CTNNA2: variants seen among roughly 807,000 people sequenced by gnomAD.
CTNNA2 encodes catenin alpha-2.
In CTNNA2, 42 loss-of-function variants were observed where a neutral mutation model predicts 101.0. That is an observed-to-expected ratio of 0.42 (90% CI 0.32 to 0.54). CTNNA2 has a LOEUF of 0.54. Among genes scored for constraint, CTNNA2 ranks in the 20% least tolerant of loss-of-function variants. The pLI is 0.14. For missense variants in CTNNA2, 871 were observed against 1,223.1 expected (o/e 0.71, Z 4.29); for synonymous variants, 450 against 456.4 (o/e 0.99, Z 0.18).
At chr2:80,122,747 G>A (rs751623739) in intron 7 of CTNNA2, among the ~76,000 whole-genome samples, 1 of 152,122 alleles carries the variant, frequency 6.6e-6, no homozygotes, top group Non-Finnish European at 1.5e-5. Flanking sequence ...AAAAGTGTGT[G>A]TGTGCGCATG....
intron 3 of CTNNA2, among the ~76,000 whole-genome samples, chr2:79,839,190 G>A (rs903481737): frequency 2.2e-4 from 34 of 152,054 alleles, no homozygotes; most frequent in African/African-American, 7.7e-4. Context: ...TTTTAGCAAG[G>A]TATAAAATTA....
In CTNNA2 at chr2:80,354,106, ACTT is replaced by A. The variant is rs563375375; in HGVS notation, c.1057-39098_1057-39096del. On this transcript the variant is annotated intron_variant, in intron 7 of 18. Transcript: ENST00000402739. The stretch of plus-strand genomic sequence containing the variant: ...CACTCACAACTGAGCCTCTTTCAGA[ACTT>A]CTTCTTAACCGTCAACTAATGAGTC... Among the ~76,000 whole-genome samples the A allele has an allele frequency of 5.7e-3, 861 of 152,266 alleles. 4 individuals are homozygous for A. The highest frequency in any genetic ancestry group is 9.3e-3 in the Non-Finnish European group (634 of 68,030).
At position 80,111,757 on chromosome 2, in the gene CTNNA2, A is replaced by G. The variant is rs112083650; in HGVS notation, c.1056+201960A>G. 2.4e-4 allele frequency among the ~76,000 whole-genome samples: 36 copies of G among 152,238 alleles called. 1 individual carries two copies. Among genetic ancestry groups the G allele is most frequent in the African/African-American group, 7.7e-4 (32 of 41,568 alleles). On this transcript the variant is annotated intron_variant, in intron 7 of 18. Transcript: ENST00000402739. ...GGGTCACAATATGTTGCCCAGACTG[A>G]TCTCAAGCAACCTTCCTGTCACAGC... is the stretch of plus-strand genomic sequence containing the variant.
chr2:79,857,283 T>A (rs1299652365), intron 3 of CTNNA2, among the ~76,000 whole-genome samples: 1 of 152,250 alleles, frequency 6.6e-6, no homozygotes. Flanking sequence ...ACTTTCTTAA[T>A]CTTGTCTCTT....
At chr2:80,569,324 A>G (rs1011281176) in intron 12 of CTNNA2, among the ~76,000 whole-genome samples, 3 of 152,164 alleles carry the variant, frequency 2.0e-5, no homozygotes, top group Admixed American at 2.0e-4. Flanking sequence ...TGCGCTGCAT[A>G]CAGAAATATA....
Position 80,648,682 on chromosome 2 carries a change from G to C in CTNNA2, c.*810G>C, listed in dbSNP as rs1474177142. ...AGAGGGAAGGAAACTGACAACGTGT[G>C]AAAGTTAGAGGCAAATACATAGGTG... On this transcript the variant is annotated 3_prime_UTR_variant, in exon 19 of 19. Coordinates refer to ENST00000402739, the MANE Select transcript of CTNNA2 (RefSeq NM_001282597.3). 3 of 152,110 alleles carry C rather than the reference G, an allele frequency of 2.0e-5. No individual in the cohort carries two copies. The highest frequency in any genetic ancestry group is 4.4e-5 in the Non-Finnish European group (3 of 68,020). The allele number at this position is 152,110 out of a possible 1,614,324, so 9.4% of individuals were successfully genotyped here.
intron 4 of CTNNA2, among the ~76,000 whole-genome samples, chr2:79,495,030 G>C (rs570907240): frequency 5.1e-4 from 77 of 152,240 alleles, no homozygotes; most frequent in African/African-American, 1.8e-3. Flanking sequence ...GTGAACCAGG[G>C]AGGCGGAGCT....
intron 7 of CTNNA2, among the ~76,000 whole-genome samples, chr2:80,078,053 T>A (rs1012456923): frequency 2.0e-5 from 3 of 152,114 alleles, no homozygotes; most frequent in African/African-American, 7.2e-5. Context: ...ACAGTAAAGA[T>A]ATCCAGAAAC....
intron 7 of CTNNA2, among the ~76,000 whole-genome samples, chr2:80,344,204 C>T (rs532629002): frequency 5.3e-5 from 8 of 152,244 alleles, no homozygotes; most frequent in Admixed American, 2.6e-4. Flanking sequence ...CTGATTTTCT[C>T]CTCCTTCATG....
At chr2:80,255,546 A>G (rs1339173291) in intron 7 of CTNNA2, among the ~76,000 whole-genome samples, 2 of 152,188 alleles carry the variant, frequency 1.3e-5, no homozygotes, top group African/African-American at 4.8e-5. Flanking sequence ...CTCCCAGGAG[A>G]TAAATGACTA....
chr2:79,240,754 G>A (rs899897808), intron 2 of CTNNA2, among the ~76,000 whole-genome samples: 6 of 152,156 alleles, frequency 3.9e-5, no homozygotes, highest in African/African-American at 1.4e-4. Context: ...AGGTTTAGGG[G>A]CAATGAGGTT....
intron 2 of CTNNA2, among the ~76,000 whole-genome samples, chr2:79,297,876 T>C (rs754288593): frequency 2.0e-5 from 3 of 152,194 alleles, no homozygotes; most frequent in Non-Finnish European, 2.9e-5. Context: ...TCCACACTCA[T>C]TGGAAACAAA....
At chr2:79,852,551 A>T (rs113467570) in intron 3 of CTNNA2, among the ~76,000 whole-genome samples, 2 of 152,316 alleles carry the variant, frequency 1.3e-5, no homozygotes, top group African/African-American at 4.8e-5. Flanking sequence ...GCCATTGCTG[A>T]AAGAGTGAAA....
intron 7 of CTNNA2, among the ~76,000 whole-genome samples, chr2:80,309,037 C>T (rs1425350099): frequency 6.6e-6 from 1 of 151,452 alleles, no homozygotes; most frequent in South Asian, 2.1e-4. Context: ...TGCAGTGAGC[C>T]GAGATCACGC....
intron 2 of CTNNA2, among the ~76,000 whole-genome samples, chr2:79,665,260 G>T (rs944860193): frequency 2.6e-5 from 4 of 152,112 alleles, no homozygotes; most frequent in African/African-American, 9.7e-5. Flanking sequence ...ACAACTGGGC[G>T]TGGTCTCTGC....
chr2:80,541,242 T>C (rs1020849634), intron 9 of CTNNA2, among the ~76,000 whole-genome samples: 2 of 152,176 alleles, frequency 1.3e-5, no homozygotes, highest in African/African-American at 4.8e-5. Flanking sequence ...ATTGGAAATA[T>C]TTTCAGAATG....
At chr2:79,187,530 A>G (rs1275534839) in intron 1 of CTNNA2, among the ~76,000 whole-genome samples, 1 of 151,966 alleles carries the variant, frequency 6.6e-6, no homozygotes, top group African/African-American at 2.4e-5. Flanking sequence ...CCCAATAATC[A>G]TTGGTCACAC....
intron 7 of CTNNA2, among the ~76,000 whole-genome samples, chr2:80,171,535 G>A (rs926497996): frequency 2.0e-5 from 3 of 152,184 alleles, no homozygotes; most frequent in Non-Finnish European, 4.4e-5. Flanking sequence ...AAAGGTAACA[G>A]CAATCTAGGA....
Position 80,479,898 on chromosome 2 carries a change from T to A in CTNNA2, c.1290+60297T>A, listed in dbSNP as rs183093028. Among the ~76,000 whole-genome samples, 259 of 152,298 alleles carry A rather than the reference T, an allele frequency of 1.7e-3. 1 individual carries two copies. The highest frequency in any genetic ancestry group is 5.9e-3 in the African/African-American group (246 of 41,572). On this transcript the variant is annotated intron_variant, in intron 9 of 18. Transcript: ENST00000402739. ...TGCAAAGCTTGAATAATTTCATTCTTTTGTCAACTTTGGAGAAAGCTTGGT... is the reference window on the plus strand; with the variant it reads ...TGCAAAGCTTGAATAATTTCATTCTATTGTCAACTTTGGAGAAAGCTTGGT...
Sources: gnomAD v4.1 joint callset for allele counts (sites outside exome capture counted in the v4.1 genomes callset) on GRCh38, gnomAD v4.1.1 for gene constraint, MANE v1.5 for transcripts, NCBI Gene and HGNC (gene_info 2026-07-23, HGNC 2026-07-21) for gene names.